CPED1: variants seen among roughly 807,000 people sequenced by gnomAD.
CPED1 encodes cadherin like and PC-esterase domain containing 1.
In CPED1, 114 loss-of-function variants were observed where a neutral mutation model predicts 128.2. The ratio of observed to expected loss-of-function variants is 0.89; its 90% CI spans 0.76 to 1.04. The LOEUF (loss-of-function observed/expected upper bound fraction) is 1.04. Among genes scored for constraint, CPED1 ranks in the 50% least tolerant of loss-of-function variants. The pLI, the probability that CPED1 is intolerant of heterozygous loss-of-function variation, is 0.00. For synonymous variants in CPED1, 462 were observed against 426.7 expected, an observed-to-expected ratio of 1.08 and a Z score of -1.02; for missense variants, 1,211 against 1,207.1, an observed-to-expected ratio of 1.00 and a Z score of -0.05.
chr7:121,257,199 C>T lies in CPED1; in HGVS notation c.2311-9028C>T, dbSNP rs555914988. Among the ~76,000 whole-genome samples, 67 of 152,064 alleles carry T rather than the reference C, an allele frequency of 4.4e-4. 1 individual carries two copies. The South Asian group carries it at 0.013, about 30-fold the overall frequency. On this transcript the variant is annotated intron_variant, in intron 18 of 22. Coordinates refer to ENST00000310396, the MANE Select transcript of CPED1 (RefSeq NM_024913.5). The stretch of plus-strand genomic sequence containing the variant: ...CTCATGCAGCAAACCTGCACACATA[C>T]GCCATATCTGCAATAAAAGTTGAAG...
intron 14 of CPED1, among the ~76,000 whole-genome samples, chr7:121,136,459 G>C (rs1427783956): frequency 6.6e-6 from 1 of 151,956 alleles, no homozygotes; most frequent in East Asian, 1.9e-4. Flanking sequence ...TTGCTGTAAT[G>C]GTTAGTACTT....
chr7:121,067,689 G>A (rs553860496), intron 5 of CPED1, among the ~76,000 whole-genome samples: 2,761 of 152,192 alleles, frequency 0.018, 71 homozygotes, highest in African/African-American at 0.057. Context: ...GAATCGCCAC[G>A]CTGACTTCCA....
At chr7:120,990,751 A>T (rs545227141) in intron 2 of CPED1, among the ~76,000 whole-genome samples, 3 of 152,340 alleles carry the variant, frequency 2.0e-5, no homozygotes, top group East Asian at 3.9e-4. Flanking sequence ...GTAGCATCTT[A>T]TATCTACAGT....
chr7:121,063,855 G>C (rs1793749944), intron 4 of CPED1, among the ~76,000 whole-genome samples: 1 of 152,158 alleles, frequency 6.6e-6, no homozygotes, highest in South Asian at 2.1e-4. Context: ...TCAGTATGAA[G>C]TGAAGAATGT....
At chr7:121,295,047 A>C (rs1792794983) in intron 22 of CPED1, among the ~76,000 whole-genome samples, 1 of 151,878 alleles carries the variant, frequency 6.6e-6, no homozygotes, top group Non-Finnish European at 1.5e-5. Context: ...TGTTTAGGGT[A>C]CCATGTTTGA....
intron 12 of CPED1, 78 bp downstream of exon 12, chr7:121,130,372 T>C: frequency 8.0e-7 from 1 of 1,256,398 alleles, no homozygotes. Flanking sequence ...GCTTTGCCTA[T>C]GTTAAAGCAA....
intron 16 of CPED1, among the ~76,000 whole-genome samples, chr7:121,184,439 A>G (rs1385594987): frequency 2.0e-5 from 3 of 152,162 alleles, no homozygotes; most frequent in African/African-American, 7.2e-5. Flanking sequence ...GCTGCTTTTA[A>G]TTATTTCTGA....
chr7:121,130,137 A>G lies in CPED1; in HGVS notation c.1420A>G (p.Thr474Ala), dbSNP rs775820414. 3.1e-6 allele frequency: 5 copies of G among 1,611,844 alleles called. No homozygotes were observed. In the South Asian group the frequency reaches 3.3e-5, roughly 11 times the overall value. The part of the protein sequence containing the change: ...LGQFQLLFPS[T>A]TPGIQSLMHE... The stretch of plus-strand genomic sequence containing the variant: ...TTTGTGTTCTCAGCTCTTCCCATCT[A>G]CTACTCCTGGGATTCAGTCACTGAT... The change falls in exon 12 of 23, where the codon ACT becomes GCT. Residue 474 changes from threonine to alanine, a missense_variant. Physicochemically the swap from Thr to Ala is moderately conservative, Grantham distance 58. Transcript: ENST00000310396.
At chr7:120,990,848 A>G (rs961212808) in intron 2 of CPED1, among the ~76,000 whole-genome samples, 2 of 152,218 alleles carry the variant, frequency 1.3e-5, no homozygotes, top group Admixed American at 1.3e-4. Context: ...ATTATTACCA[A>G]AACCTCCACG....
chr7:121,097,119 C>T (rs1297642712), intron 5 of CPED1, among the ~76,000 whole-genome samples: 1 of 152,032 alleles, frequency 6.6e-6, no homozygotes, highest in South Asian at 2.1e-4. Context: ...TATGCAATAA[C>T]TTTATTTTTA....
intron 3 of CPED1, 37 bp from the exon 4 acceptor site, chr7:121,046,850 G>T: frequency 7.4e-7 from 1 of 1,355,354 alleles, no homozygotes; most frequent in South Asian, 1.4e-5. Context: ...AATATCTGAT[G>T]AAAACTTATT....
chr7:121,093,527 C>G (rs2110284), intron 5 of CPED1, among the ~76,000 whole-genome samples: 1 of 152,050 alleles, frequency 6.6e-6, no homozygotes, highest in Non-Finnish European at 1.5e-5. Context: ...TGAATATTCT[C>G]TATTTGCCCC....
chr7:121,117,683 A>G (rs1475690365), intron 7 of CPED1, among the ~76,000 whole-genome samples: 1 of 151,850 alleles, frequency 6.6e-6, no homozygotes, highest in Admixed American at 6.6e-5. Flanking sequence ...ATCCCTGATG[A>G]CTCCCCAAGG....
chr7:121,148,702 G>C (rs1796082324), intron 16 of CPED1, among the ~76,000 whole-genome samples: 1 of 152,102 alleles, frequency 6.6e-6, no homozygotes. Flanking sequence ...GAGATTGAGT[G>C]AACTGGGCTG....
At chr7:121,123,025 G>C (rs552377236) in intron 7 of CPED1, among the ~76,000 whole-genome samples, 3 of 152,232 alleles carry the variant, frequency 2.0e-5, no homozygotes, top group South Asian at 2.1e-4. Flanking sequence ...GAAATATAAT[G>C]AGTTACTTTT....
At chr7:121,021,371 T>G (rs7778149) in intron 3 of CPED1, among the ~76,000 whole-genome samples, 2,064 of 152,074 alleles carry the variant, frequency 0.014, 44 homozygotes, top group African/African-American at 0.047. Context: ...TCACTTGATA[T>G]TTAGTATAAT....
At chr7:121,293,141 C>T (rs1792746429) in intron 22 of CPED1, among the ~76,000 whole-genome samples, 1 of 152,176 alleles carries the variant, frequency 6.6e-6, no homozygotes, top group Non-Finnish European at 1.5e-5. Flanking sequence ...CCCCCAGGTG[C>T]TCTGTCCCAG....
intron 16 of CPED1, among the ~76,000 whole-genome samples, chr7:121,167,623 CAT>C (rs1310351190): frequency 1.3e-5 from 2 of 151,894 alleles, no homozygotes; most frequent in African/African-American, 4.8e-5. Flanking sequence ...GACACCATAA[CAT>C]ATTTGAGATC....
intron 7 of CPED1, among the ~76,000 whole-genome samples, chr7:121,122,166 A>G (rs1795407467): frequency 7.1e-6 from 1 of 141,442 alleles, no homozygotes; most frequent in Admixed American, 7.3e-5. Context: ...TTTGAGACAG[A>G]GTCTCGCTCT....
Sources: gnomAD v4.1 joint callset for allele counts (sites outside exome capture counted in the v4.1 genomes callset) on GRCh38, gnomAD v4.1.1 for gene constraint, MANE v1.5 for transcripts, NCBI Gene and HGNC (gene_info 2026-07-23, HGNC 2026-07-21) for gene names.